TENM2: variants seen among roughly 807,000 people sequenced by gnomAD.
The protein encoded by TENM2 is teneurin transmembrane protein 2.
A neutral mutation model predicts 245.2 loss-of-function variants in TENM2; 52 were observed. The observed-to-expected ratio is 0.21, with a 90% CI of 0.17 to 0.27. The LOEUF (loss-of-function observed/expected upper bound fraction) is 0.27. Among genes scored for constraint, TENM2 ranks in the 10% least tolerant of loss-of-function variants. The pLI is 1.00. For synonymous variants in TENM2, 1,363 were observed against 1,438.9 expected (o/e 0.95, Z 1.19); for missense variants, 3,046 against 3,666.8 (o/e 0.83, Z 4.37).
chr5:167,296,087 A>T (rs1754932538), intron 1 of TENM2: 1 of 152,204 alleles, frequency 6.6e-6, no homozygotes, highest in Admixed American at 6.5e-5. Context: ...GAGGGGGGAA[A>T]AGAAAAAAAA....
At chr5:168,092,589 A>T (rs748426166) in intron 8 of TENM2, among the ~76,000 whole-genome samples, 9 of 152,214 alleles carry the variant, frequency 5.9e-5, no homozygotes, top group Admixed American at 1.3e-4. Context: ...CACAGAGGGA[A>T]AATACCCAGA....
intron 1 of TENM2, among the ~76,000 whole-genome samples, chr5:167,329,156 T>A: frequency 6.6e-6 from 1 of 152,228 alleles, no homozygotes; most frequent in East Asian, 1.9e-4. Context: ...TCTGGGTAGA[T>A]AGAATTGGGA....
At chr5:167,493,208 T>C (rs199514350) in intron 2 of TENM2, among the ~76,000 whole-genome samples, 1 of 151,550 alleles carries the variant, frequency 6.6e-6, no homozygotes, top group East Asian at 1.9e-4. Context: ...AGCCCAGGAG[T>C]TCAAGGATGC....
intron 2 of TENM2, among the ~76,000 whole-genome samples, chr5:167,822,268 A>G (rs1331310305): frequency 1.3e-5 from 2 of 152,164 alleles, no homozygotes; most frequent in African/African-American, 4.8e-5. Flanking sequence ...GTTGTCAATA[A>G]GCTGGTCTCC....
At chr5:167,460,148 G>T (rs886953885) in intron 2 of TENM2, among the ~76,000 whole-genome samples, 5 of 152,014 alleles carry the variant, frequency 3.3e-5, no homozygotes, top group Non-Finnish European at 5.9e-5. Context: ...TTAAGTAATT[G>T]GTCCCAAGTT....
At chr5:167,663,143 A>G (rs369453310) in intron 2 of TENM2, among the ~76,000 whole-genome samples, 5 of 38,898 alleles carry the variant, frequency 1.3e-4, no homozygotes, top group East Asian at 6.5e-3. Context: ...GGGGATGGGG[A>G]GAGAGAGAGA....
At chr5:168,232,443 C>G (rs577299426) in intron 25 of TENM2, 1 of 152,350 alleles carries the variant, frequency 6.6e-6, no homozygotes, top group Admixed American at 6.5e-5. Context: ...CCAGCCCTGC[C>G]TCTTGGAATG....
Position 168,204,369 on chromosome 5 carries a change from C to A in TENM2, c.3575-3C>A. Reference sequence around the variant, plus strand: ...AACCCCTCCCATTCTCCAACCCCCACAGGAATCCTACACAAAGGCACTGGG... The same window carrying A: ...AACCCCTCCCATTCTCCAACCCCCAAAGGAATCCTACACAAAGGCACTGGG... On this transcript the variant is annotated splice_polypyrimidine_tract_variant and splice_region_variant and intron_variant, in intron 18 of 28. Transcript: ENST00000518659. 1 of 1,612,106 alleles carries A rather than the reference C, an allele frequency of 6.2e-7. No homozygotes were observed. The highest frequency in any genetic ancestry group is 8.5e-7 in the Non-Finnish European group (1 of 1,178,548).
rs185352780 is a variant in TENM2, at chr5:167,407,485, A to T, written c.502+32012A>T. Among the ~76,000 whole-genome samples, 334 of 152,168 alleles carry T rather than the reference A, an allele frequency of 2.2e-3. 2 individuals carry two copies. The highest frequency in any genetic ancestry group is 7.6e-3 in the African/African-American group (315 of 41,522). On this transcript the variant is annotated intron_variant, in intron 2 of 28. Transcript: ENST00000518659. ...TTTTAACACTGTGAAGTCTCTTACT[A>T]CCTGAATTAATTAAATCTAATGAAA...
chr5:167,148,860 G>A, the TENM2 span, among the ~76,000 whole-genome samples: 91 of 152,250 alleles, frequency 6.0e-4, no homozygotes, highest in Non-Finnish European at 8.5e-4. Context: ...TGATTTGAAT[G>A]AATAAATGAA....
the TENM2 span, among the ~76,000 whole-genome samples, chr5:167,238,302 T>TA: frequency 0.23 from 34,369 of 152,048 alleles, 4,710 homozygotes; most frequent in African/African-American, 0.38. Context: ...ACTTAGTCAT[T>TA]ATACAGTAAT....
chr5:167,350,734 G>T (rs1466313772), intron 1 of TENM2, among the ~76,000 whole-genome samples: 6 of 65,968 alleles, frequency 9.1e-5, no homozygotes, highest in South Asian at 5.0e-4. Context: ...TATACATATG[G>T]ATATATATAT....
intron 3 of TENM2, among the ~76,000 whole-genome samples, chr5:167,903,177 T>C (rs1228404351): frequency 2.0e-5 from 3 of 151,992 alleles, no homozygotes; most frequent in Non-Finnish European, 2.9e-5. Flanking sequence ...AAGAAAAGAG[T>C]AAATCTTATA....
At chr5:167,138,209 C>T in the TENM2 span, among the ~76,000 whole-genome samples, 2 of 152,116 alleles carry the variant, frequency 1.3e-5, no homozygotes, top group African/African-American at 4.8e-5. Context: ...AAGTGTTTAC[C>T]GATGAAATAA....
intron 6 of TENM2, among the ~76,000 whole-genome samples, chr5:168,052,993 C>T (rs1234730561): frequency 2.6e-5 from 4 of 152,154 alleles, no homozygotes; most frequent in Non-Finnish European, 5.9e-5. Context: ...CAGGGAGGTT[C>T]GTAAATTCTT....
Position 168,105,000 on chromosome 5 carries a change from T to C in TENM2, c.1813+6873T>C, listed in dbSNP as rs76350850. Reference sequence around the variant, plus strand: ...GAGCTTCTGGTCTGACCAGTTTGTATTAAAAGCAAGGGGGTAACATAAATG... The same window carrying C: ...GAGCTTCTGGTCTGACCAGTTTGTACTAAAAGCAAGGGGGTAACATAAATG... On this transcript the variant is annotated intron_variant, in intron 9 of 28. Coordinates refer to ENST00000518659, the Ensembl canonical transcript of TENM2. Among the ~76,000 whole-genome samples the C allele has an allele frequency of 6.6e-5, 10 of 152,280 alleles. No homozygotes were observed. In the East Asian group the frequency reaches 1.9e-3, roughly 29 times the overall value.
At chr5:167,158,901 TTCCTTC>T in the TENM2 span, among the ~76,000 whole-genome samples, 13 of 141,154 alleles carry the variant, frequency 9.2e-5, no homozygotes, top group African/African-American at 3.1e-4. Flanking sequence ...CCTTCCTTCC[TTCCTTC>T]CTCTTCCTCT....
At position 168,173,645 on chromosome 5, in the gene TENM2, A is replaced by G. The variant is rs184078610; in HGVS notation, c.2569+10888A>G. Among the ~76,000 whole-genome samples, 261 of 152,226 alleles carry G rather than the reference A, an allele frequency of 1.7e-3. 1 individual carries two copies. Among genetic ancestry groups the G allele is most frequent in the African/African-American group, 6.1e-3 (255 of 41,546 alleles). ...AAAATCATTTATTCATCCAACAAAC[A>G]TATACCAAGCCCCCACTCTGTGGCA... On this transcript the variant is annotated intron_variant, in intron 13 of 28. Coordinates refer to ENST00000518659, the Ensembl canonical transcript of TENM2.
intron 2 of TENM2, among the ~76,000 whole-genome samples, chr5:167,398,350 C>A (rs996584784): frequency 6.7e-6 from 1 of 149,490 alleles, no homozygotes; most frequent in African/African-American, 2.5e-5. Flanking sequence ...TCTTTCTTTC[C>A]TTCTTTCTTT....
Sources: gnomAD v4.1 joint callset for allele counts (sites outside exome capture counted in the v4.1 genomes callset) on GRCh38, gnomAD v4.1.1 for gene constraint, MANE v1.5 for transcripts, NCBI Gene and HGNC (gene_info 2026-07-23, HGNC 2026-07-21) for gene names.